Variants in COL5A1 observed in about 807,000 individuals in gnomAD.
COL5A1 encodes collagen alpha-1(V) chain.
Under a neutral mutation model 263.7 loss-of-function variants are expected in COL5A1, and 16 were observed. The ratio of observed to expected loss-of-function variants is 0.06; its 90% CI spans 0.04 to 0.09. The LOEUF is 0.09. COL5A1 is among the 10% of genes least tolerant of loss of function. The pLI, the probability that COL5A1 is intolerant of heterozygous loss-of-function variation, is 1.00. For synonymous variants in COL5A1, 1,012 were observed against 1,004.5 expected, an observed-to-expected ratio of 1.01 and a Z score of -0.14; for missense variants, 2,036 against 2,540.5, an observed-to-expected ratio of 0.80 and a Z score of 4.27.
At position 134,668,266 on chromosome 9, in the gene COL5A1, A is replaced by G. The variant is rs1001747449; in HGVS notation, c.110-22646A>G. On this transcript the variant is annotated intron_variant, in intron 1 of 65. Transcript: ENST00000371817. ...CACATAGGATGGCCACTGATCCAGC[A>G]TGAGGCTTAAGGAGCCCTTTCAGAG... 4.6e-5 allele frequency among the ~76,000 whole-genome samples: 7 copies of G among 152,312 alleles called. No homozygotes were observed. In the South Asian group the frequency reaches 1.4e-3, roughly 32 times the overall value.
intron 1 of COL5A1, among the ~76,000 whole-genome samples, chr9:134,669,583 A>G (rs971576974): frequency 4.6e-5 from 7 of 152,068 alleles, no homozygotes; most frequent in African/African-American, 1.7e-4. Flanking sequence ...TACCAGATAC[A>G]ACTAGATTCT....
At position 134,741,697 on chromosome 9, in the gene COL5A1, C is replaced by T. The variant is rs12684637; in HGVS notation, c.1494+2889C>T. Among the ~76,000 whole-genome samples the T allele has an allele frequency of 0.28, 42,419 of 151,990 alleles. 6,131 individuals are homozygous for T. Among genetic ancestry groups the T allele is most frequent in the East Asian group, 0.35 (1,792 of 5,130 alleles). On this transcript the variant is annotated intron_variant, in intron 11 of 65. Coordinates refer to ENST00000371817, the MANE Select transcript of COL5A1 (RefSeq NM_000093.5). The surrounding 1 kb of genome is among the most constrained non-coding windows in gnomAD (Gnocchi z 4.5). The stretch of plus-strand genomic sequence containing the variant: ...CTCTTCTTGCGTCCGTCGATTCTTA[C>T]TTGGCTTCAGCAGAAAATAGTCGTT...
chr9:134,814,002 G>A lies in COL5A1; in HGVS notation c.3872G>A (p.Gly1291Asp). ...VGEKGEPGEA[G>D]EPGLPGEGGP... is the part of the protein sequence containing the mutation. ...CCCTAGGGCGAGCCTGGCGAAGCAG[G>A]TGAGCCTGGCCTTCCGGGAGAAGGC... Residue 1291 changes from glycine (G) to aspartate (D), a missense_variant, in exon 49 of 66, where the codon GGT (glycine) becomes GAT (aspartate). Physicochemically the swap from Gly to Asp is moderately conservative, Grantham distance 94. Transcript: ENST00000371817. 6.4e-7 allele frequency: 1 copy of A among 1,551,052 alleles called. No homozygotes were observed. The highest frequency in any genetic ancestry group is 8.7e-7 in the Non-Finnish European group (1 of 1,147,102).
At chr9:134,771,963 G>A (rs1039624687) in intron 25 of COL5A1, among the ~76,000 whole-genome samples, 3 of 152,200 alleles carry the variant, frequency 2.0e-5, no homozygotes, top group African/African-American at 4.8e-5. Flanking sequence ...CGAGTGACCC[G>A]CCTGGGTTGG....
At chr9:134,699,031 G>A (rs751423334) in intron 2 of COL5A1, among the ~76,000 whole-genome samples, 3 of 152,192 alleles carry the variant, frequency 2.0e-5, no homozygotes, top group Admixed American at 6.5e-5. Context: ...CTGGCCCACC[G>A]GCATCAACTA....
Position 134,647,130 on chromosome 9 carries a change from G to A in COL5A1, c.109+4834G>A, listed in dbSNP as rs527531677. On this transcript the variant is annotated intron_variant, in intron 1 of 65. Coordinates refer to ENST00000371817, the MANE Select transcript of COL5A1 (RefSeq NM_000093.5). This position sits in a 1 kb window ranked among gnomAD's most constrained non-coding sequence, Gnocchi z 5.0. ...TTCCCACAGCCCTCTTTAGCTCCCA[G>A]AAGCACAGGCGAGGGAGGTGTGCCT... 1.3e-5 allele frequency among the ~76,000 whole-genome samples: 2 copies of A among 152,290 alleles called. No individual in the cohort carries two copies. Among genetic ancestry groups the A allele is most frequent in the South Asian group, 4.1e-4 (2 of 4,828 alleles).
Position 134,652,197 on chromosome 9 carries a change from A to G in COL5A1, c.109+9901A>G, listed in dbSNP as rs978440521. On this transcript the variant is annotated intron_variant, in intron 1 of 65. Coordinates refer to ENST00000371817, the MANE Select transcript of COL5A1 (RefSeq NM_000093.5). The surrounding 1 kb of genome is among the most constrained non-coding windows in gnomAD (Gnocchi z 4.4). ...TATTATTCATGCTATTTAGGGTCATAGGTCTCAGTAATGGTCGACTAGGTC... is the reference window on the plus strand; with the variant it reads ...TATTATTCATGCTATTTAGGGTCATGGGTCTCAGTAATGGTCGACTAGGTC... Among the ~76,000 whole-genome samples, 2 of 152,302 alleles carry G rather than the reference A, an allele frequency of 1.3e-5. No individual in the cohort carries two copies. The highest frequency in any genetic ancestry group is 6.8e-3 in the Middle Eastern group (2 of 294).
chr9:134,772,961 C>T, intron 26 of COL5A1, 127 bp downstream of exon 26: 1 of 992,220 alleles, frequency 1.0e-6, no homozygotes, highest in Admixed American at 1.9e-5. Flanking sequence ...TCAGCCCTTC[C>T]TCAGGTGTCT....
At chr9:134,654,898 G>T (rs1213198731) in intron 1 of COL5A1, among the ~76,000 whole-genome samples, 2 of 112,616 alleles carry the variant, frequency 1.8e-5, no homozygotes, top group Admixed American at 9.4e-5. Flanking sequence ...GGCTGGGGGT[G>T]TGTAGGGCTG....
chr9:134,655,634 G>A (rs1831944896), intron 1 of COL5A1, among the ~76,000 whole-genome samples: 1 of 152,136 alleles, frequency 6.6e-6, no homozygotes, highest in South Asian at 2.1e-4. Flanking sequence ...CATGCCATTG[G>A]TTCAGAGGTC....
chr9:134,759,864 T>TCATA (rs145264877), intron 18 of COL5A1, among the ~76,000 whole-genome samples: 2,893 of 24,210 alleles, frequency 0.12, 426 homozygotes, highest in African/African-American at 0.35. Context: ...ACCCCCACAC[T>TCATA]CACACATGCA....
At chr9:134,752,709 T>A (rs1835829085) in intron 14 of COL5A1, 64 bp downstream of exon 14, 2 of 1,291,030 alleles carry the variant, frequency 1.5e-6, no homozygotes, top group African/African-American at 1.5e-5. Flanking sequence ...CCTGTGTCGT[T>A]GGCGGACAGT....
At chr9:134,796,353 C>CCCCTCTCCTT (rs768556338) in intron 34 of COL5A1, 21 bp from the exon 35 acceptor site, 1 of 1,613,488 alleles carries the variant, frequency 6.2e-7, no homozygotes, top group Non-Finnish European at 8.5e-7. Context: ...AAGCTTTTCC[C>CCCCTCTCCTT]CCCTCTCCTT....
chr9:134,809,082 C>T, intron 42 of COL5A1, 101 bp from the exon 43 acceptor site: 2 of 1,065,962 alleles, frequency 1.9e-6, no homozygotes, highest in Admixed American at 4.0e-5. Flanking sequence ...CTCACCAACT[C>T]CCACTTCCTG....
chr9:134,796,400 T>C lies in COL5A1; in HGVS notation c.2826T>C (p.Ala942=), dbSNP rs1837911181. The C allele has an allele frequency of 1.2e-6, 2 of 1,614,170 alleles. No individual in the cohort carries two copies. The highest frequency in any genetic ancestry group is 1.7e-6 in the Non-Finnish European group (2 of 1,180,038). The part of the protein sequence containing the change: ...PKGNSGGDGP[A]GPPGERGPNG... Reference sequence around the variant, plus strand: ...GCAACTCCGGAGGTGACGGCCCAGCTGGCCCTCCTGGTGAACGGGTAAGCA... The same window carrying C: ...GCAACTCCGGAGGTGACGGCCCAGCCGGCCCTCCTGGTGAACGGGTAAGCA... The change falls in exon 35 of 66, where the codon GCT becomes GCC. Residue 942 remains alanine, a synonymous_variant. Transcript: ENST00000371817.
intron 4 of COL5A1, among the ~76,000 whole-genome samples, chr9:134,724,707 G>A (rs2132627097): frequency 6.6e-6 from 1 of 152,324 alleles, no homozygotes; most frequent in Non-Finnish European, 1.5e-5. Flanking sequence ...AGGGTCAGAA[G>A]TACACAGCGC....
At chr9:134,791,514 C>T (rs570123499) in intron 32 of COL5A1, among the ~76,000 whole-genome samples, 52 of 151,712 alleles carry the variant, frequency 3.4e-4, no homozygotes, top group African/African-American at 8.5e-4. Context: ...GTACCAAGTT[C>T]GGGGAATGAC....
intron 13 of COL5A1, among the ~76,000 whole-genome samples, 196 bp from the exon 14 acceptor site, chr9:134,752,393 G>T (rs560158218): frequency 6.7e-6 from 1 of 148,204 alleles, no homozygotes; most frequent in Non-Finnish European, 1.5e-5. Context: ...CGTCACTCCC[G>T]TGGATGCTGA....
chr9:134,648,061 A>C (rs12554217), intron 1 of COL5A1, among the ~76,000 whole-genome samples: 24,588 of 152,068 alleles, frequency 0.16, 2,260 homozygotes, highest in South Asian at 0.29. Context: ...GGCACAATCT[A>C]ATCAGCCGCT....
Sources: allele counts gnomAD v4.1 joint callset (sites outside exome capture counted in the v4.1 genomes callset), GRCh38; gene constraint gnomAD v4.1.1; non-coding constraint Gnocchi (gnomAD v3.1); transcripts MANE v1.5; gene names NCBI Gene and HGNC (gene_info 2026-07-23, HGNC 2026-07-21).